The following SLCO2A1 variants were observed in gnomAD, a reference collection of about 807,000 sequenced individuals.
SLCO2A1 encodes solute carrier organic anion transporter family member 2A1, also known as matrin F/G 1.
In SLCO2A1, 60 loss-of-function variants were observed where a neutral mutation model predicts 71.7. The observed-to-expected ratio is 0.84, with a 90% CI of 0.68 to 1.04. SLCO2A1 has a LOEUF of 1.04. Ranked by LOEUF, SLCO2A1 falls within the 50% of genes least tolerant of loss-of-function variation. The pLI is 0.00. For missense variants in SLCO2A1, 745 were observed against 813.4 expected (o/e 0.92, Z 1.02); for synonymous variants, 308 against 326.7 (o/e 0.94, Z 0.62).
intron 1 of SLCO2A1, among the ~76,000 whole-genome samples, chr3:134,015,973 A>C (rs944878154): frequency 6.6e-6 from 1 of 152,198 alleles, no homozygotes; most frequent in Admixed American, 6.5e-5. Context: ...CAATAGGTAA[A>C]AAAACAAAAC....
intron 1 of SLCO2A1, among the ~76,000 whole-genome samples, chr3:134,012,125 C>T (rs1384768817): frequency 6.6e-6 from 1 of 152,096 alleles, no homozygotes; most frequent in Non-Finnish European, 1.5e-5. Flanking sequence ...GAGTTGGGGG[C>T]CACACATGTC....
chr3:134,007,233 T>C (rs941701515), intron 1 of SLCO2A1, among the ~76,000 whole-genome samples: 4 of 152,266 alleles, frequency 2.6e-5, no homozygotes, highest in Non-Finnish European at 5.9e-5. Context: ...TCATCAGATA[T>C]ATGATTTGCA....
intron 1 of SLCO2A1, among the ~76,000 whole-genome samples, chr3:134,026,376 C>T (rs146781031): frequency 5.3e-5 from 8 of 151,434 alleles, no homozygotes; most frequent in Non-Finnish European, 7.4e-5. Flanking sequence ...ATAGAGCTTA[C>T]GCCAAATTAC....
At chr3:133,939,915 G>A (rs1217999679) in intron 11 of SLCO2A1, among the ~76,000 whole-genome samples, 3 of 151,806 alleles carry the variant, frequency 2.0e-5, no homozygotes, top group Admixed American at 2.0e-4. Context: ...TGGCTAATTG[G>A]GGGCCAGGAC....
intron 1 of SLCO2A1, among the ~76,000 whole-genome samples, chr3:133,985,618 T>C (rs999307389): frequency 2.6e-5 from 4 of 152,240 alleles, no homozygotes; most frequent in Admixed American, 6.5e-5. Flanking sequence ...ACATCATGCG[T>C]TTGATTTCTC....
At chr3:133,994,432 C>G (rs1180179006) in intron 1 of SLCO2A1, among the ~76,000 whole-genome samples, 36 of 152,194 alleles carry the variant, frequency 2.4e-4, no homozygotes. Flanking sequence ...TCCAGTGGGC[C>G]CTCCAACAAT....
At chr3:134,022,285 T>G (rs748993522) in intron 1 of SLCO2A1, among the ~76,000 whole-genome samples, 1 of 152,120 alleles carries the variant, frequency 6.6e-6, no homozygotes, top group Non-Finnish European at 1.5e-5. Context: ...AATTTAAAAG[T>G]AACTAGGCCT....
At chr3:133,953,608 G>T in intron 5 of SLCO2A1, 55 bp downstream of exon 5, 1 of 1,389,628 alleles carries the variant, frequency 7.2e-7, no homozygotes, top group South Asian at 1.2e-5. Context: ...TGAGGGGGCT[G>T]GGGGCTGCTT....
intron 11 of SLCO2A1, chr3:133,942,364 G>T: frequency 2.3e-6 from 1 of 429,056 alleles, no homozygotes; most frequent in Non-Finnish European, 4.2e-6. Flanking sequence ...TGGACGCTGT[G>T]GGACTGAATG....
At chr3:133,988,915 G>A (rs1352035421) in intron 1 of SLCO2A1, among the ~76,000 whole-genome samples, 1 of 152,188 alleles carries the variant, frequency 6.6e-6, no homozygotes, top group Non-Finnish European at 1.5e-5. Flanking sequence ...AAGGTCTGGG[G>A]GCAGGGAATC....
chr3:133,997,917 G>T (rs1935008582), intron 1 of SLCO2A1, among the ~76,000 whole-genome samples: 1 of 152,206 alleles, frequency 6.6e-6, no homozygotes, highest in African/African-American at 2.4e-5. Context: ...ATGTGAGGTG[G>T]TGATAACAGT....
chr3:133,954,401 A>G (rs1345052493), intron 4 of SLCO2A1, among the ~76,000 whole-genome samples: 1 of 151,998 alleles, frequency 6.6e-6, no homozygotes, highest in Non-Finnish European at 1.5e-5. Flanking sequence ...GCCTCAGGTG[A>G]TCCGCCTGCC....
chr3:133,959,397 C>CAA lies in SLCO2A1; in HGVS notation c.398-4206_398-4205dup, dbSNP rs112457858. On this transcript the variant is annotated intron_variant, in intron 3 of 13. Transcript: ENST00000310926. ...TCATACCCATCAGGATGGCTATTAC[C>CAA]AAAAAAAAAAAAAACAGAAAACGAG... Among the ~76,000 whole-genome samples the CAA allele has an allele frequency of 2.2e-4, 27 of 123,942 alleles. 2 individuals carry two copies. Among genetic ancestry groups the CAA allele is most frequent in the African/African-American group, 6.8e-4 (24 of 35,260 alleles). The allele number at this position is 123,942 out of a possible 152,430, so 81.3% of individuals were successfully genotyped here.
chr3:134,012,147 C>T lies in SLCO2A1; in HGVS notation c.96+17560G>A, dbSNP rs192843514. On this transcript the variant is annotated intron_variant, in intron 1 of 13. Coordinates refer to ENST00000310926, the MANE Select transcript of SLCO2A1 (RefSeq NM_005630.3). ...GGGCCACACATGTCCCAGCAACGCC[C>T]ACCTTCAGAGCCTAGTTTGGCTTTC... 2.0e-5 allele frequency among the ~76,000 whole-genome samples: 3 copies of T among 152,298 alleles called. No homozygotes were observed. In the East Asian group the frequency reaches 5.8e-4, roughly 29 times the overall value.
chr3:134,029,104 C>T (rs1935760769), intron 1 of SLCO2A1, among the ~76,000 whole-genome samples: 1 of 152,200 alleles, frequency 6.6e-6, no homozygotes. Context: ...CCTGGGGAAG[C>T]CGCCCGCTGA....
chr3:134,010,853 C>G (rs1250032532), intron 1 of SLCO2A1, among the ~76,000 whole-genome samples: 1 of 151,774 alleles, frequency 6.6e-6, no homozygotes, highest in Non-Finnish European at 1.5e-5. Flanking sequence ...CACCTCCCAC[C>G]AGGTCCCTCC....
intron 1 of SLCO2A1, among the ~76,000 whole-genome samples, chr3:133,985,692 T>C (rs1934698472): frequency 6.6e-6 from 1 of 152,224 alleles, no homozygotes; most frequent in Admixed American, 6.5e-5. Flanking sequence ...GTGTGTTTTT[T>C]AGAACAAATC....
intron 1 of SLCO2A1, among the ~76,000 whole-genome samples, chr3:133,997,384 G>C (rs963544143): frequency 1.3e-5 from 2 of 152,158 alleles, no homozygotes; most frequent in Non-Finnish European, 2.9e-5. Flanking sequence ...GACATTATTT[G>C]GAAATAATAG....
At chr3:133,961,112 G>C (rs998463468) in intron 3 of SLCO2A1, among the ~76,000 whole-genome samples, 12 of 151,998 alleles carry the variant, frequency 7.9e-5, no homozygotes, top group Non-Finnish European at 1.8e-4. Context: ...AAATCATGAG[G>C]GGTCAGTGCA....
Sources: gnomAD v4.1 joint callset for allele counts (sites outside exome capture counted in the v4.1 genomes callset) on GRCh38, gnomAD v4.1.1 for gene constraint, MANE v1.5 for transcripts, NCBI Gene and HGNC (gene_info 2026-07-23, HGNC 2026-07-21) for gene names.